Variants in TIMD4 observed in about 807,000 individuals in gnomAD.
TIMD4 encodes T cell immunoglobulin and mucin domain containing 4.
In TIMD4, 31 loss-of-function variants were observed where a neutral mutation model predicts 41.2. The ratio of observed to expected loss-of-function variants is 0.75; its 90% CI spans 0.57 to 1.01. TIMD4 has a LOEUF of 1.01. Ranked by LOEUF, TIMD4 falls within the 50% of genes least tolerant of loss-of-function variation. The pLI, the probability that TIMD4 is intolerant of heterozygous loss-of-function variation, is 0.00. For missense variants in TIMD4, 479 were observed against 472.5 expected (o/e 1.01, Z -0.13); for synonymous variants, 204 against 177.1 (o/e 1.15, Z -1.21).
chr5:156,936,058 G>A (rs868211069), intron 5 of TIMD4, among the ~76,000 whole-genome samples: 2 of 152,104 alleles, frequency 1.3e-5, no homozygotes, highest in African/African-American at 4.8e-5. Context: ...GGGCAACATA[G>A]GGAGACACCA....
At chr5:156,957,628 T>C (rs1759998300) in intron 1 of TIMD4, among the ~76,000 whole-genome samples, 1 of 152,042 alleles carries the variant, frequency 6.6e-6, no homozygotes, top group Non-Finnish European at 1.5e-5. Flanking sequence ...TCAGCTATGT[T>C]AACAACATAG....
At position 156,921,575 on chromosome 5, in the gene TIMD4, C is replaced by T. The variant is rs570836804; in HGVS notation, c.1012+524G>A. Among the ~76,000 whole-genome samples, 18 of 134,334 alleles carry T rather than the reference C, an allele frequency of 1.3e-4. No individual in the cohort carries two copies. The South Asian group carries it at 3.5e-3, about 26-fold the overall frequency. The allele number at this position is 134,334 out of a possible 152,430, so 88.1% of individuals were successfully genotyped here. On this transcript the variant is annotated intron_variant, in intron 7 of 8. Coordinates refer to ENST00000274532, the MANE Select transcript of TIMD4 (RefSeq NM_138379.3). ...GCGGAGGTGCAGTAAGCTGAGATCA[C>T]GCCACTGCACTCCAGCCTGGACAAC...
intron 5 of TIMD4, among the ~76,000 whole-genome samples, chr5:156,937,111 A>G (rs1380116753): frequency 2.0e-5 from 3 of 152,268 alleles, no homozygotes; most frequent in African/African-American, 2.4e-5. Context: ...GAGCTTTAAT[A>G]TGAGTCTATG....
intron 5 of TIMD4, among the ~76,000 whole-genome samples, chr5:156,937,932 A>C (rs370496967): frequency 9.8e-5 from 15 of 152,348 alleles, no homozygotes; most frequent in East Asian, 5.8e-4. Flanking sequence ...AATCAAGTGC[A>C]TCCAATTTCT....
At chr5:156,941,021 G>C (rs7444585) in intron 5 of TIMD4, among the ~76,000 whole-genome samples, 51,397 of 147,956 alleles carry the variant, frequency 0.35, 9,799 homozygotes, top group African/African-American at 0.53. Context: ...TTACCCCCAA[G>C]CCCCTGCTCT....
chr5:156,936,048 G>A (rs555819384), intron 5 of TIMD4, among the ~76,000 whole-genome samples: 1 of 152,200 alleles, frequency 6.6e-6, no homozygotes, highest in South Asian at 2.1e-4. Flanking sequence ...AGACCAGCCT[G>A]GGCAACATAG....
Position 156,944,874 on chromosome 5 carries a change from C to T in TIMD4, c.844+3542G>A, listed in dbSNP as rs116299628. On this transcript the variant is annotated intron_variant, in intron 5 of 8. Transcript: ENST00000274532. ...AGCTGTGTGATCTTAAGACAAGTCA[C>T]TCTACATCTCTGAGCTCCATTCTAG... 3.9e-3 allele frequency among the ~76,000 whole-genome samples: 587 copies of T among 152,258 alleles called. 5 individuals carry two copies. Among genetic ancestry groups the T allele is most frequent in the African/African-American group, 0.014 (570 of 41,534 alleles).
intron 4 of TIMD4, 85 bp downstream of exon 4, chr5:156,949,566 C>A: frequency 8.4e-7 from 1 of 1,184,804 alleles, no homozygotes; most frequent in Non-Finnish European, 1.2e-6. Context: ...GGTTGTCAGT[C>A]ATCTGATTCA....
chr5:156,941,218 T>C (rs1198097412), intron 5 of TIMD4, among the ~76,000 whole-genome samples: 2 of 152,098 alleles, frequency 1.3e-5, no homozygotes, highest in African/African-American at 4.8e-5. Context: ...ACCAGAGACC[T>C]TTGTTCACAT....
chr5:156,955,623 T>A (rs949222244), intron 1 of TIMD4, among the ~76,000 whole-genome samples: 1 of 151,424 alleles, frequency 6.6e-6, no homozygotes, highest in Non-Finnish European at 1.5e-5. Flanking sequence ...GCCACTGCAC[T>A]CCAGCCTGGG....
In TIMD4 at chr5:156,958,769, T is replaced by C. The variant is rs369401713; in HGVS notation, c.59-4013A>G. Among the ~76,000 whole-genome samples the C allele has an allele frequency of 3.1e-4, 47 of 152,274 alleles. 1 individual carries two copies. In the East Asian group the frequency reaches 5.6e-3, roughly 18 times the overall value. On this transcript the variant is annotated intron_variant, in intron 1 of 8. Coordinates refer to ENST00000274532, the MANE Select transcript of TIMD4 (RefSeq NM_138379.3). ...TTGCAAATGTTTATTGCAGCCTCCATGTATATGTGAATGAAATGGACAATG... is the reference window on the plus strand; with the variant it reads ...TTGCAAATGTTTATTGCAGCCTCCACGTATATGTGAATGAAATGGACAATG...
At chr5:156,929,507 TTGG>T (rs1759410147) in intron 5 of TIMD4, among the ~76,000 whole-genome samples, 1 of 152,110 alleles carries the variant, frequency 6.6e-6, no homozygotes, top group Non-Finnish European at 1.5e-5. Context: ...AATCCAATGA[TTGG>T]TGTCCTTAAG....
chr5:156,936,328 A>G (rs1759538911), intron 5 of TIMD4, among the ~76,000 whole-genome samples: 1 of 152,202 alleles, frequency 6.6e-6, no homozygotes, highest in Non-Finnish European at 1.5e-5. Flanking sequence ...TATTGATAAC[A>G]ACAACAATAA....
In TIMD4 at chr5:156,954,453, T is replaced by C. The variant is rs751248021; in HGVS notation, c.362A>G (p.Asn121Ser). 3.7e-6 allele frequency: 6 copies of C among 1,614,080 alleles called. No homozygotes were observed. The highest frequency in any genetic ancestry group is 2.2e-5 in the East Asian group (1 of 44,888). ...CCRIEVPGWF[N>S]DVKINVRLNL... Reference sequence around the variant, plus strand: ...CAGGCGCACGTTTATCTTTACATCGTTGAACCAGCCAGGCACTTCTATGCG... The same window carrying C: ...CAGGCGCACGTTTATCTTTACATCGCTGAACCAGCCAGGCACTTCTATGCG... Residue 121 changes from asparagine (N) to serine (S), a missense_variant, in exon 2 of 9, where the codon AAC becomes AGC. Coordinates refer to ENST00000274532, the MANE Select transcript of TIMD4 (RefSeq NM_138379.3).
rs774422036 is a variant in TIMD4, at chr5:156,948,436, A to G, written c.824T>C (p.Val275Ala). ...HVSMWKTSDS[V>A]SSPQPGASDT... ...CCTACCTCCAGGCTGAGGAGAAGAC[A>G]CAGAATCACTCGTTTTCCACATTGA... is the stretch of plus-strand genomic sequence containing the variant. Residue 275 changes from valine (V) to alanine (A), a missense_variant, in exon 5 of 9, where the codon GTG becomes GCG. By Grantham distance (64) the Val-to-Ala change is moderately conservative. Coordinates refer to ENST00000274532, the MANE Select transcript of TIMD4 (RefSeq NM_138379.3). The G allele has an allele frequency of 1.3e-6, 2 of 1,540,474 alleles. No homozygotes were observed. Among genetic ancestry groups the G allele is most frequent in the South Asian group, 2.6e-5 (2 of 77,168 alleles).
intron 5 of TIMD4, among the ~76,000 whole-genome samples, chr5:156,936,888 C>T (rs960096713): frequency 6.8e-6 from 1 of 148,132 alleles, no homozygotes; most frequent in Admixed American, 6.8e-5. Context: ...GCCGAGATGG[C>T]GCCCTTGCCC....
At chr5:156,937,928 G>A (rs1204368531) in intron 5 of TIMD4, among the ~76,000 whole-genome samples, 1 of 152,218 alleles carries the variant, frequency 6.6e-6, no homozygotes, top group Non-Finnish European at 1.5e-5. Context: ...TTGAAATCAA[G>A]TGCATCCAAT....
chr5:156,955,444 C>G (rs1032021903), intron 1 of TIMD4, among the ~76,000 whole-genome samples: 9 of 152,164 alleles, frequency 5.9e-5, no homozygotes, highest in African/African-American at 1.9e-4. Context: ...ATCACAAGGT[C>G]AGGAGATCGA....
chr5:156,920,140 G>C (rs1759207778), intron 8 of TIMD4, among the ~76,000 whole-genome samples: 1 of 152,132 alleles, frequency 6.6e-6, no homozygotes, highest in Admixed American at 6.6e-5. Flanking sequence ...ATAAACTCCA[G>C]TTTAACAATG....
Sources: allele counts gnomAD v4.1 joint callset (sites outside exome capture counted in the v4.1 genomes callset), GRCh38; gene constraint gnomAD v4.1.1; transcripts MANE v1.5; gene names NCBI Gene and HGNC (gene_info 2026-07-23, HGNC 2026-07-21).